The following ULK4 variants were observed in gnomAD, a reference collection of about 807,000 sequenced individuals.
ULK4 encodes unc-51 like kinase 4.
ULK4 carries 133 observed loss-of-function variants against 160.6 expected under a neutral mutation model. That is an observed-to-expected ratio of 0.83 (90% CI 0.72 to 0.96). The LOEUF (loss-of-function observed/expected upper bound fraction) is 0.96, where lower values mean the gene tolerates loss of function less well. Among genes scored for constraint, ULK4 ranks in the 40% least tolerant of loss-of-function variants. ULK4 has a pLI of 0.00. For synonymous variants in ULK4, 534 were observed against 539.8 expected, an observed-to-expected ratio of 0.99 and a Z score of 0.15; for missense variants, 1,580 against 1,499.5, an observed-to-expected ratio of 1.05 and a Z score of -0.89.
At chr3:41,519,684 T>C (rs1408352686) in intron 32 of ULK4, among the ~76,000 whole-genome samples, 3 of 152,188 alleles carry the variant, frequency 2.0e-5, no homozygotes, top group Non-Finnish European at 4.4e-5. Context: ...AAAGAAACAC[T>C]GTGTACATTT....
At chr3:41,560,714 G>C (rs1559394744) in intron 32 of ULK4, among the ~76,000 whole-genome samples, 1 of 152,190 alleles carries the variant, frequency 6.6e-6, no homozygotes, top group Non-Finnish European at 1.5e-5. Context: ...CATTGATTTT[G>C]TATCCTGAGA....
At chr3:41,930,408 C>G (rs569133960) in intron 5 of ULK4, among the ~76,000 whole-genome samples, 1 of 152,128 alleles carries the variant, frequency 6.6e-6, no homozygotes, top group Non-Finnish European at 1.5e-5. Context: ...CTAGGCAATA[C>G]CATTCAGGAT....
chr3:41,475,323 C>A (rs2125890813), intron 32 of ULK4, among the ~76,000 whole-genome samples: 1 of 152,034 alleles, frequency 6.6e-6, no homozygotes. Context: ...ATGGTGGATA[C>A]CAGAGACTGA....
intron 22 of ULK4, among the ~76,000 whole-genome samples, chr3:41,741,756 T>G (rs1256822762): frequency 6.6e-6 from 1 of 151,918 alleles, no homozygotes; most frequent in Non-Finnish European, 1.5e-5. Flanking sequence ...CCACCAACTC[T>G]ATAAGTGACT....
chr3:41,784,123 A>G (rs997273965), intron 21 of ULK4, among the ~76,000 whole-genome samples: 3 of 152,182 alleles, frequency 2.0e-5, no homozygotes, highest in Non-Finnish European at 2.9e-5. Context: ...ATAAAGTACC[A>G]TCTGCCAATA....
intron 30 of ULK4, among the ~76,000 whole-genome samples, chr3:41,616,206 T>C (rs904328044): frequency 8.5e-5 from 13 of 152,202 alleles, no homozygotes; most frequent in Non-Finnish European, 1.5e-4. Flanking sequence ...ACTAGGCACT[T>C]TCCCTCATCA....
At chr3:41,913,092 G>T in intron 8 of ULK4, 193 bp from the exon 9 acceptor site, 2 of 553,498 alleles carry the variant, frequency 3.6e-6, no homozygotes, top group South Asian at 5.1e-5. Context: ...AAACAATTCA[G>T]AAGCATTAAA....
rs1156301406 is a variant in ULK4, at chr3:41,599,577, T to TC, written c.3120+16091_3120+16092insG. On this transcript the variant is annotated intron_variant, in intron 31 of 36. Coordinates refer to ENST00000301831, the MANE Select transcript of ULK4 (RefSeq NM_017886.4). ...GCATTTTCTTTTTCTTTTTTTTTTT[T>TC]TTTTTGAGACGGAGTCTTGCCCTGT... is the stretch of plus-strand genomic sequence containing the variant. Among the ~76,000 whole-genome samples the TC allele has an allele frequency of 1.6e-3, 240 of 150,752 alleles. 1 individual carries two copies. Among genetic ancestry groups the TC allele is most frequent in the Non-Finnish European group, 2.4e-3 (159 of 67,622 alleles).
rs750912521 is a variant in ULK4, at chr3:41,835,889, T to A, written c.1739A>T (p.Glu580Val). 2 of 1,612,296 alleles carry A rather than the reference T, an allele frequency of 1.2e-6. No homozygotes were observed. The highest frequency in any genetic ancestry group is 1.7e-6 in the Non-Finnish European group (2 of 1,179,122). Reference sequence around the variant, plus strand: ...CTGGGTGGCTACAAGATAGATCAGCTCCCCAAGGGTTGGTAAAAGGCACTG... The same window carrying A: ...CTGGGTGGCTACAAGATAGATCAGCACCCCAAGGGTTGGTAAAAGGCACTG... Reference protein sequence around the residue: ...LKQCLLPTLGELIYLVATQEE... With the variant: ...LKQCLLPTLGVLIYLVATQEE... Residue 580 changes from glutamate to valine, a missense_variant, in exon 18 of 37, where the codon GAG becomes GTG. Transcript: ENST00000301831.
intron 31 of ULK4, among the ~76,000 whole-genome samples, chr3:41,590,461 CAAAAAA>C (rs71075479): frequency 1.1e-3 from 60 of 56,886 alleles, no homozygotes; most frequent in Admixed American, 1.9e-3. Flanking sequence ...ACTAAAAATA[CAAAAAA>C]AAAAAAAAAA....
In ULK4 at chr3:41,786,437, C is replaced by CA. The variant is rs539181361; in HGVS notation, c.2193+3223dup. ...GCAACATAGCAAGACCCCATCTCTACAAAAAAATACAAAAATTAGCCAGAC... is the reference window on the plus strand; with the variant it reads ...GCAACATAGCAAGACCCCATCTCTACAAAAAAAATACAAAAATTAGCCAGAC... On this transcript the variant is annotated intron_variant, in intron 21 of 36. Coordinates refer to ENST00000301831, the MANE Select transcript of ULK4 (RefSeq NM_017886.4). Among the ~76,000 whole-genome samples the CA allele has an allele frequency of 3.9e-3, 589 of 151,654 alleles. 2 individuals carry two copies. Among genetic ancestry groups the CA allele is most frequent in the African/African-American group, 0.014 (572 of 41,348 alleles).
At position 41,539,233 on chromosome 3, in the gene ULK4, CTATT is replaced by C. The variant is rs1285948458; in HGVS notation, c.3226+26788_3226+26791del. Among the ~76,000 whole-genome samples, 26 of 152,216 alleles carry C rather than the reference CTATT, an allele frequency of 1.7e-4. 1 individual carries two copies. In the East Asian group the frequency reaches 5.0e-3, roughly 29 times the overall value. Reference sequence around the variant, plus strand: ...GTGTGCCATGCAGCCTTCATTTCAACTATTTAATATTGCCATTATAGCATAAAAC... The same window carrying C: ...GTGTGCCATGCAGCCTTCATTTCAACTAATATTGCCATTATAGCATAAAAC... On this transcript the variant is annotated intron_variant, in intron 32 of 36. Transcript: ENST00000301831.
intron 35 of ULK4, among the ~76,000 whole-genome samples, chr3:41,341,441 G>A (rs900629877): frequency 8.5e-5 from 13 of 152,180 alleles, no homozygotes; most frequent in African/African-American, 3.1e-4. Context: ...GGATGTGAGT[G>A]GATACAATGG....
At chr3:41,382,838 T>G (rs1345016229) in intron 35 of ULK4, among the ~76,000 whole-genome samples, 3 of 152,176 alleles carry the variant, frequency 2.0e-5, no homozygotes, top group African/African-American at 4.8e-5. Context: ...GCTTTATATA[T>G]AGCCTATCTA....
Position 41,691,593 on chromosome 3 carries a change from T to G in ULK4, c.2782-9789A>C, listed in dbSNP as rs1424375923. 5.9e-5 allele frequency among the ~76,000 whole-genome samples: 9 copies of G among 151,884 alleles called. 1 individual carries two copies. The highest frequency in any genetic ancestry group is 1.3e-4 in the Non-Finnish European group (9 of 67,916). On this transcript the variant is annotated intron_variant, in intron 27 of 36. Transcript: ENST00000301831. ...CCCCCAAAGATGGGAAATTCTCTCT[T>G]CCAAATATCCATTTTAAACAGTATT...
At chr3:41,897,357 A>G (rs925488182) in intron 14 of ULK4, among the ~76,000 whole-genome samples, 3 of 152,198 alleles carry the variant, frequency 2.0e-5, no homozygotes, top group African/African-American at 7.2e-5. Flanking sequence ...ACTCTCAAAT[A>G]TTGAGAAAAG....
chr3:41,595,757 GT>G (rs1469257168), intron 31 of ULK4, among the ~76,000 whole-genome samples: 1 of 152,186 alleles, frequency 6.6e-6, no homozygotes, highest in Admixed American at 6.5e-5. Flanking sequence ...ATTTGCCAAT[GT>G]GATAGTCATT....
intron 19 of ULK4, among the ~76,000 whole-genome samples, chr3:41,811,819 G>C (rs754586616): frequency 3.3e-5 from 5 of 152,128 alleles, no homozygotes; most frequent in Non-Finnish European, 7.3e-5. Context: ...CTCATCCTGC[G>C]TCATGTTGTG....
intron 30 of ULK4, among the ~76,000 whole-genome samples, chr3:41,633,408 C>T (rs549190731): frequency 9.2e-5 from 14 of 152,218 alleles, no homozygotes; most frequent in African/African-American, 1.7e-4. Flanking sequence ...ATACTGTCTG[C>T]GTTTGCTTTT....
Sources: allele counts gnomAD v4.1 joint callset (sites outside exome capture counted in the v4.1 genomes callset), GRCh38; gene constraint gnomAD v4.1.1; transcripts MANE v1.5; gene names NCBI Gene and HGNC (gene_info 2026-07-23, HGNC 2026-07-21).